DBX2: variants seen among roughly 807,000 people sequenced by gnomAD.
DBX2 encodes the protein homeobox protein DBX2.
Under a neutral mutation model 17.7 loss-of-function variants are expected in DBX2, and 16 were observed. That is an observed-to-expected ratio of 0.90 (90% CI 0.61 to 1.37). The LOEUF (loss-of-function observed/expected upper bound fraction) is 1.37, where lower values mean the gene tolerates loss of function less well. Among genes scored for constraint, DBX2 ranks in the 40% most tolerant of loss-of-function variants. The probability of loss-of-function intolerance (pLI) is 0.00; values close to 1 mark genes in which losing one functional copy is unlikely to be tolerated. For missense variants in DBX2, 538 were observed against 433.8 expected (o/e 1.24, Z -2.13); for synonymous variants, 255 against 183.8 (o/e 1.39, Z -3.13).
At chr12:45,044,858 T>C (rs187977293) in intron 1 of DBX2, among the ~76,000 whole-genome samples, 38 of 152,210 alleles carry the variant, frequency 2.5e-4, no homozygotes, top group African/African-American at 8.9e-4. Context: ...TAACTTTATA[T>C]AGAGTGATGG....
At chr12:45,043,287 G>A (rs962354691) in intron 1 of DBX2, among the ~76,000 whole-genome samples, 6 of 152,282 alleles carry the variant, frequency 3.9e-5, no homozygotes, top group Admixed American at 2.0e-4. Flanking sequence ...CAAGAGACAT[G>A]GCAGATATGA....
At chr12:45,046,834 T>G (rs1339081198) in intron 1 of DBX2, among the ~76,000 whole-genome samples, 1 of 152,146 alleles carries the variant, frequency 6.6e-6, no homozygotes, top group East Asian at 1.9e-4. Flanking sequence ...AAAAAAATAC[T>G]AATGCTCTTT....
In DBX2 at chr12:45,050,808, G is replaced by A. The variant is rs534192224; in HGVS notation, c.120C>T (p.Ile40=). Residue 40 remains isoleucine, a synonymous_variant, in exon 1 of 4, where the codon ATC becomes ATT. Coordinates refer to ENST00000332700, the MANE Select transcript of DBX2 (RefSeq NM_001004329.3). ...GFGNLGKSFL[I]ENLLRVGGAP... ...CGCCCCCGACCCGCAGCAAATTCTC[G>A]ATCAGGAAACTCTTGCCCAGGTTGC... 2.6e-6 allele frequency: 4 copies of A among 1,536,650 alleles called. No individual in the cohort carries two copies. In the African/African-American group the frequency reaches 4.3e-5, roughly 16 times the overall value.
Position 45,032,070 on chromosome 12 carries a change from G to A in DBX2, c.499+3949C>T, listed in dbSNP as rs149962409. Among the ~76,000 whole-genome samples, 656 of 151,932 alleles carry A rather than the reference G, an allele frequency of 4.3e-3. 6 individuals carry two copies. Among genetic ancestry groups the A allele is most frequent in the African/African-American group, 0.015 (615 of 41,428 alleles). On this transcript the variant is annotated intron_variant, in intron 2 of 3. Coordinates refer to ENST00000332700, the MANE Select transcript of DBX2 (RefSeq NM_001004329.3). ...GGGGAGAAAAGGAACTCCATTCCAGGAATATTACTCCAATACTTTCACTGC... is the reference window on the plus strand; with the variant it reads ...GGGGAGAAAAGGAACTCCATTCCAGAAATATTACTCCAATACTTTCACTGC...
chr12:45,028,897 T>C (rs1400521509), intron 2 of DBX2, among the ~76,000 whole-genome samples: 1 of 152,208 alleles, frequency 6.6e-6, no homozygotes, highest in African/African-American at 2.4e-5. Context: ...TTTCATAAAG[T>C]GATGCAATGC....
At chr12:45,037,190 C>T (rs190543985) in intron 1 of DBX2, among the ~76,000 whole-genome samples, 412 of 152,244 alleles carry the variant, frequency 2.7e-3, no homozygotes, top group Non-Finnish European at 4.4e-3. Flanking sequence ...TGAATAATAA[C>T]TCTCCATTAT....
At chr12:45,039,278 T>TATATATAC (rs1491473105) in intron 1 of DBX2, among the ~76,000 whole-genome samples, 2 of 4,430 alleles carry the variant, frequency 4.5e-4, no homozygotes, top group African/African-American at 1.5e-3. Flanking sequence ...GCATTGAAGG[T>TATATATAC]ATATATATAT....
At position 45,014,809 on chromosome 12, in the gene DBX2, C is replaced by G. The variant is rs1002907802; in HGVS notation, c.*1477G>C. On this transcript the variant is annotated 3_prime_UTR_variant, in exon 4 of 4. Transcript: ENST00000332700. The stretch of plus-strand genomic sequence containing the variant: ...GTGGTAAAGACACAGGTTGACATAC[C>G]AAGTCCAATTCTATTCGTACAAAAT... 2.0e-5 allele frequency: 3 copies of G among 152,094 alleles called. No individual in the cohort carries two copies. Among genetic ancestry groups the G allele is most frequent in the Non-Finnish European group, 4.4e-5 (3 of 68,016 alleles). The allele number at this position is 152,094 out of a possible 1,614,324, so 9.4% of individuals were successfully genotyped here.
At chr12:45,030,650 C>T (rs1946404551) in intron 2 of DBX2, among the ~76,000 whole-genome samples, 1 of 152,206 alleles carries the variant, frequency 6.6e-6, no homozygotes, top group Non-Finnish European at 1.5e-5. Context: ...ATAAAGGTGA[C>T]TTCTAACAAG....
chr12:45,030,922 A>G (rs956474721), intron 2 of DBX2, among the ~76,000 whole-genome samples: 1 of 152,188 alleles, frequency 6.6e-6, no homozygotes, highest in East Asian at 1.9e-4. Context: ...ACTGAAAGGG[A>G]TAAGAGGTCA....
intron 3 of DBX2, among the ~76,000 whole-genome samples, chr12:45,020,173 C>T (rs1357838334): frequency 6.6e-6 from 1 of 152,104 alleles, no homozygotes; most frequent in Non-Finnish European, 1.5e-5. Flanking sequence ...GGAAATCCCA[C>T]ACCCTTTAGC....
chr12:45,050,962 T>G lies in DBX2; in HGVS notation c.-35A>C, dbSNP rs1946530757. The G allele has an allele frequency of 1.1e-5, 15 of 1,384,624 alleles. No homozygotes were observed. Among genetic ancestry groups the G allele is most frequent in the Admixed American group, 3.7e-5 (1 of 26,940 alleles). The allele number at this position is 1,384,624 out of a possible 1,614,324, so 85.8% of individuals were successfully genotyped here. A position where few individuals can be genotyped will look rare whatever the true frequency, so the allele number is the denominator to read the frequency against. ...CCAACCGGTCTGCTGCGCGCCCGCC[T>G]TGCGCCCGCCTGTCGCCCGGGCGCC... is the stretch of plus-strand genomic sequence containing the variant. On this transcript the variant is annotated 5_prime_UTR_variant, in exon 1 of 4. Coordinates refer to ENST00000332700, the MANE Select transcript of DBX2 (RefSeq NM_001004329.3).
Position 45,050,596 on chromosome 12 carries a change from G to C in DBX2, c.332C>G (p.Ser111Cys). Reference protein sequence around the residue: ...TRWAFQVLSPSADSARLPGRA... With the variant: ...TRWAFQVLSPCADSARLPGRA... ...GCCCGGCAGCCTCGCACTGTCCGCA[G>C]AGGGACTGAGCACTTGAAAAGCCCA... Residue 111 changes from serine to cysteine, a missense_variant, in exon 1 of 4, where the codon TCT (serine) becomes TGT (cysteine). By Grantham distance (112) the Ser-to-Cys change is moderately radical. Transcript: ENST00000332700. The C allele has an allele frequency of 6.4e-7, 1 of 1,551,652 alleles. No homozygotes were observed. Among genetic ancestry groups the C allele is most frequent in the Non-Finnish European group, 8.7e-7 (1 of 1,147,964 alleles).
intron 1 of DBX2, among the ~76,000 whole-genome samples, chr12:45,036,448 G>T (rs1946441668): frequency 6.6e-6 from 1 of 152,140 alleles, no homozygotes. Context: ...TATCTGTGAT[G>T]ATTGGAAATG....
At chr12:45,035,250 G>A (rs1214690211) in intron 2 of DBX2, among the ~76,000 whole-genome samples, 3 of 152,232 alleles carry the variant, frequency 2.0e-5, no homozygotes, top group African/African-American at 7.2e-5. Flanking sequence ...AGCTGAGTAA[G>A]TGTTTTCTCT....
intron 2 of DBX2, among the ~76,000 whole-genome samples, chr12:45,033,176 C>A (rs1381859394): frequency 2.0e-5 from 3 of 152,076 alleles, no homozygotes; most frequent in Non-Finnish European, 4.4e-5. Flanking sequence ...AAAACTAAAT[C>A]AATATTAAAT....
In DBX2 at chr12:45,027,135, T is replaced by G. The variant is rs370646664; in HGVS notation, c.500-3241A>C. On this transcript the variant is annotated intron_variant, in intron 2 of 3. Transcript: ENST00000332700. ...ACATGCATGACTTAAGGCAAGTTAT[T>G]TGGTCTCTTCCAGCTGATTTTATAA... is the stretch of plus-strand genomic sequence containing the variant. 1.2e-4 allele frequency among the ~76,000 whole-genome samples: 18 copies of G among 152,352 alleles called. No individual in the cohort carries two copies. The East Asian group carries it at 2.7e-3, about 23-fold the overall frequency.
intron 3 of DBX2, among the ~76,000 whole-genome samples, chr12:45,022,201 A>G (rs1474152224): frequency 6.6e-6 from 1 of 150,714 alleles, no homozygotes; most frequent in Non-Finnish European, 1.5e-5. Flanking sequence ...ACCCTCTACC[A>G]CACCTCGTGC....
intron 1 of DBX2, among the ~76,000 whole-genome samples, chr12:45,037,577 G>A (rs1565584735): frequency 6.6e-6 from 1 of 152,002 alleles, no homozygotes; most frequent in East Asian, 1.9e-4. Context: ...ATATTCAAGG[G>A]ACAACTTCTT....
Sources: gnomAD v4.1 joint callset for allele counts (sites outside exome capture counted in the v4.1 genomes callset) on GRCh38, gnomAD v4.1.1 for gene constraint, MANE v1.5 for transcripts, NCBI Gene and HGNC (gene_info 2026-07-23, HGNC 2026-07-21) for gene names.